The following NYAP2 variants were observed in gnomAD, a reference collection of about 807,000 sequenced individuals.
NYAP2 encodes the protein neuronal tyrosine-phosphorylated phosphoinositide-3-kinase adaptor 2.
Under a neutral mutation model 50.4 loss-of-function variants are expected in NYAP2, and 23 were observed. That is an observed-to-expected ratio of 0.46 (90% CI 0.33 to 0.65). The LOEUF is 0.65. NYAP2 is among the 30% of genes least tolerant of loss of function. The pLI is 0.02. For synonymous variants in NYAP2, 394 were observed against 365.2 expected (o/e 1.08, Z -0.90); for missense variants, 885 against 861.0 (o/e 1.03, Z -0.35).
At chr2:225,491,845 G>A (rs900382378) in intron 3 of NYAP2, among the ~76,000 whole-genome samples, 4 of 152,224 alleles carry the variant, frequency 2.6e-5, no homozygotes, top group Non-Finnish European at 4.4e-5. Flanking sequence ...TCTCCAGGCT[G>A]TAAAAGCTTG....
intron 4 of NYAP2, among the ~76,000 whole-genome samples, chr2:225,579,036 G>A (rs183592645): frequency 1.0e-3 from 152 of 151,758 alleles, no homozygotes; most frequent in Middle Eastern, 3.4e-3. Flanking sequence ...GCACGTGCAC[G>A]CACACACACG....
chr2:225,595,633 G>C (rs147605787), intron 5 of NYAP2, among the ~76,000 whole-genome samples: 1 of 152,306 alleles, frequency 6.6e-6, no homozygotes, highest in Non-Finnish European at 1.5e-5. Context: ...CCTCACAGTT[G>C]TTTTTCTTTG....
chr2:225,561,448 T>C (rs549475489), intron 4 of NYAP2, among the ~76,000 whole-genome samples: 2 of 152,226 alleles, frequency 1.3e-5, no homozygotes, highest in Admixed American at 6.5e-5. Flanking sequence ...CAAGGGTTAG[T>C]CAACTCATGG....
chr2:225,579,348 T>C (rs1162787112), intron 4 of NYAP2, among the ~76,000 whole-genome samples: 1 of 152,192 alleles, frequency 6.6e-6, no homozygotes, highest in Non-Finnish European at 1.5e-5. Flanking sequence ...TGTTATATTT[T>C]GTTTCCCGTG....
chr2:225,603,516 C>T (rs1227216517), intron 5 of NYAP2, among the ~76,000 whole-genome samples: 2 of 152,262 alleles, frequency 1.3e-5, no homozygotes, highest in East Asian at 3.9e-4. Context: ...CGCTGGAGTG[C>T]AGTAATGCGA....
At chr2:225,571,571 C>G (rs570461454) in intron 4 of NYAP2, among the ~76,000 whole-genome samples, 1 of 152,174 alleles carries the variant, frequency 6.6e-6, no homozygotes, top group Admixed American at 6.5e-5. Flanking sequence ...TACCTTGGCC[C>G]CTTTTAGCCA....
intron 5 of NYAP2, among the ~76,000 whole-genome samples, chr2:225,589,767 T>C (rs926854912): frequency 2.0e-5 from 3 of 152,010 alleles, no homozygotes; most frequent in African/African-American, 7.3e-5. Context: ...GACTTTATAT[T>C]CCCTCTGTTT....
At chr2:225,483,200 C>T (rs1690235443) in intron 3 of NYAP2, among the ~76,000 whole-genome samples, 1 of 151,876 alleles carries the variant, frequency 6.6e-6, no homozygotes, top group Admixed American at 6.6e-5. Context: ...GTTAAGTGTT[C>T]CTTTCACAAA....
intron 3 of NYAP2, among the ~76,000 whole-genome samples, chr2:225,497,686 T>G (rs535209130): frequency 1.3e-5 from 2 of 152,318 alleles, no homozygotes; most frequent in African/African-American, 4.8e-5. Flanking sequence ...AATGAATCTA[T>G]TGGGAAATGA....
At chr2:225,485,610 G>T (rs1041974358) in intron 3 of NYAP2, among the ~76,000 whole-genome samples, 1 of 152,146 alleles carries the variant, frequency 6.6e-6, no homozygotes, top group African/African-American at 2.4e-5. Context: ...GGTGGGAGGG[G>T]TGTGTGTGAG....
intron 4 of NYAP2, among the ~76,000 whole-genome samples, chr2:225,551,492 C>G (rs1448119150): frequency 6.6e-6 from 1 of 152,134 alleles, no homozygotes; most frequent in Admixed American, 6.5e-5. Context: ...GCAGAACTTC[C>G]CAGATGAACT....
intron 6 of NYAP2, among the ~76,000 whole-genome samples, chr2:225,637,291 C>T (rs1294602495): frequency 1.3e-5 from 2 of 152,116 alleles, no homozygotes; most frequent in African/African-American, 4.8e-5. Context: ...TTTTGTTACG[C>T]AACAGGAACA....
chr2:225,518,085 T>C (rs1690967432), intron 4 of NYAP2, among the ~76,000 whole-genome samples: 1 of 151,742 alleles, frequency 6.6e-6, no homozygotes. Flanking sequence ...CCTTAACAGA[T>C]GAATAGATAA....
chr2:225,574,932 C>G (rs1287215187), intron 4 of NYAP2, among the ~76,000 whole-genome samples: 3 of 152,234 alleles, frequency 2.0e-5, no homozygotes, highest in South Asian at 2.1e-4. Context: ...CATTTTGAAA[C>G]CTTTTGCTGC....
rs747984615 is a variant in NYAP2 at position 225,445,455 on chromosome 2, C to G, written c.221+36354C>G. ...TTTGAATTTATATAAAATCAGTAAG[C>G]AGATCTTAGAATTGTAGAATGACAA... On this transcript the variant is annotated intron_variant, in intron 3 of 6. Coordinates refer to ENST00000636099, the Ensembl canonical transcript of NYAP2. Among the ~76,000 whole-genome samples the G allele has an allele frequency of 1.4e-3, 216 of 151,754 alleles. 2 individuals are homozygous for G. Among genetic ancestry groups the G allele is most frequent in the Non-Finnish European group, 8.2e-4 (56 of 67,932 alleles).
intron 3 of NYAP2, among the ~76,000 whole-genome samples, chr2:225,425,185 T>C (rs1695269116): frequency 6.6e-6 from 1 of 152,160 alleles, no homozygotes; most frequent in African/African-American, 2.4e-5. Flanking sequence ...AGGGTATTGC[T>C]CACACAGCTA....
intron 3 of NYAP2, among the ~76,000 whole-genome samples, chr2:225,490,991 C>T (rs780757036): frequency 5.9e-5 from 9 of 152,048 alleles, no homozygotes; most frequent in African/African-American, 9.7e-5. Flanking sequence ...TGAAGGTGTT[C>T]GTGTTCTAAG....
chr2:225,405,966 T>C (rs1469889866), intron 2 of NYAP2, among the ~76,000 whole-genome samples: 1 of 152,010 alleles, frequency 6.6e-6, no homozygotes, highest in Non-Finnish European at 1.5e-5. Context: ...GGGGTTATAT[T>C]ATTATTAAAT....
intron 4 of NYAP2, among the ~76,000 whole-genome samples, chr2:225,542,639 G>A (rs1229648166): frequency 6.6e-6 from 1 of 151,828 alleles, no homozygotes; most frequent in Non-Finnish European, 1.5e-5. Context: ...CATGATGAAT[G>A]ATCTTTTTAA....
Sources: allele counts gnomAD v4.1 joint callset (sites outside exome capture counted in the v4.1 genomes callset), GRCh38; gene constraint gnomAD v4.1.1; transcripts MANE v1.5; gene names NCBI Gene and HGNC (gene_info 2026-07-23, HGNC 2026-07-21).